Variants in DOP1B observed in about 807,000 individuals in gnomAD.
The protein encoded by DOP1B is protein DOP1B.
Under a neutral mutation model 233.5 loss-of-function variants are expected in DOP1B, and 174 were observed. The ratio of observed to expected loss-of-function variants is 0.75; its 90% CI spans 0.66 to 0.85. The LOEUF is 0.85. Ranked by LOEUF, DOP1B falls within the 40% of genes least tolerant of loss-of-function variation. The probability of loss-of-function intolerance (pLI) is 0.00; values close to 1 mark genes in which losing one functional copy is unlikely to be tolerated. For missense variants in DOP1B, 2,652 were observed against 2,846.6 expected (o/e 0.93, Z 1.56); for synonymous variants, 1,190 against 1,185.6 (o/e 1.00, Z -0.08).
At chr21:36,208,595 TG>T in intron 4 of DOP1B, 119 bp from the exon 5 acceptor site, 1 of 1,056,298 alleles carries the variant, frequency 9.5e-7, no homozygotes, top group African/African-American at 1.6e-5. Context: ...ATGAGGAAGG[TG>T]GGGCTTCCCC....
chr21:36,293,654 G>A lies in DOP1B; in HGVS notation c.*83G>A. On this transcript the variant is annotated 3_prime_UTR_variant, in exon 37 of 37. Coordinates refer to ENST00000691173, the MANE Select transcript of DOP1B (RefSeq NM_001320714.2). ...ATATTCTAAAGAAGAAAGAAGGCAG[G>A]ATAGTGCTTTTGAACAAGCCTATTT... The A allele has an allele frequency of 6.8e-7, 1 of 1,467,092 alleles. No individual in the cohort carries two copies. The highest frequency in any genetic ancestry group is 1.4e-5 in the African/African-American group (1 of 71,222). 90.9% of individuals were successfully genotyped at this position (1,467,092 alleles called of 1,614,324 possible).
intron 23 of DOP1B, among the ~76,000 whole-genome samples, chr21:36,255,452 CT>C (rs539544460): frequency 2.2e-3 from 300 of 136,544 alleles, no homozygotes; most frequent in African/African-American, 4.9e-3. Context: ...TTTTTTAAAA[CT>C]TTTTTTTTTT....
At position 36,251,148 on chromosome 21, in the gene DOP1B, TC is replaced by T. The variant is rs112071403; in HGVS notation, c.4999-11del. 293 of 1,598,334 alleles carry T rather than the reference TC, an allele frequency of 1.8e-4. 3 individuals carry two copies. The highest frequency in any genetic ancestry group is 1.4e-3 in the Admixed American group (80 of 55,742). On this transcript the variant is annotated splice_polypyrimidine_tract_variant and intron_variant, in intron 21 of 36. Transcript: ENST00000691173. Reference sequence around the variant, plus strand: ...ATATTACTCTGCAGTAACTTTTTTTTCCCTATTTTCTAGACCATAAGACAAA... The same window carrying T: ...ATATTACTCTGCAGTAACTTTTTTTTCCTATTTTCTAGACCATAAGACAAA...
At chr21:36,205,450 GC>G (rs2066416252) in intron 4 of DOP1B, among the ~76,000 whole-genome samples, 1 of 151,974 alleles carries the variant, frequency 6.6e-6, no homozygotes, top group South Asian at 2.1e-4. Flanking sequence ...GTGCAGCGGT[GC>G]AATCTTGGCA....
At position 36,278,216 on chromosome 21, in the gene DOP1B, A is replaced by G; in HGVS notation, c.5830A>G (p.Asn1944Asp). ...CTTCCCACTCCCACTCAGTGCCTAC[A>G]ATGCTCCCAGCTTCCGGGCTGGCGC... ...FPYLRNHSAY[N>D]APSFRAGAQL... is the part of the protein sequence containing the mutation. The change falls in exon 30 of 37, where the codon AAT becomes GAT. Residue 1944 changes from asparagine to aspartate, a missense_variant. Around this residue, in one of 3 missense-constraint regions of DOP1B, gnomAD observed 2,617 missense variants for 2,794.3 expected, o/e 0.94. Coordinates refer to ENST00000691173, the MANE Select transcript of DOP1B (RefSeq NM_001320714.2). 4 of 1,614,006 alleles carry G rather than the reference A, an allele frequency of 2.5e-6. No individual in the cohort carries two copies. Among genetic ancestry groups the G allele is most frequent in the Non-Finnish European group, 2.5e-6 (3 of 1,179,976 alleles).
chr21:36,262,613 C>T (rs559415328), intron 24 of DOP1B, among the ~76,000 whole-genome samples: 1 of 152,214 alleles, frequency 6.6e-6, no homozygotes, highest in African/African-American at 2.4e-5. Context: ...ATCAGCCGGG[C>T]ACGGTGGCTC....
intron 2 of DOP1B, chr21:36,169,582 C>T: frequency 9.5e-7 from 1 of 1,051,244 alleles, no homozygotes; most frequent in South Asian, 1.3e-5. Flanking sequence ...GCTGCTGTAG[C>T]CCCTCCTGGG....
intron 11 of DOP1B, 107 bp from the exon 12 acceptor site, chr21:36,225,458 T>A (rs1224458879): frequency 2.4e-6 from 3 of 1,256,972 alleles, no homozygotes; most frequent in South Asian, 2.6e-5. Flanking sequence ...CTCAGACTCC[T>A]GAGCTCAGAC....
At chr21:36,169,578 G>T in intron 2 of DOP1B, 1 of 1,063,404 alleles carries the variant, frequency 9.4e-7, no homozygotes. Context: ...ACCTGCTGCT[G>T]TAGCCCCTCC....
intron 2 of DOP1B, chr21:36,169,979 T>C (rs1312447439): frequency 1.8e-5 from 14 of 762,750 alleles, no homozygotes; most frequent in African/African-American, 6.8e-5. Context: ...TCCTTCACTT[T>C]CACCTTGGAT....
At chr21:36,277,356 C>A (rs916491635) in intron 28 of DOP1B, among the ~76,000 whole-genome samples, 1 of 151,996 alleles carries the variant, frequency 6.6e-6, no homozygotes, top group African/African-American at 2.4e-5. Flanking sequence ...GATCTCAGCT[C>A]ACTGCAACCT....
intron 5 of DOP1B, among the ~76,000 whole-genome samples, chr21:36,211,165 G>A (rs957243857): frequency 6.6e-6 from 1 of 152,186 alleles, no homozygotes; most frequent in African/African-American, 2.4e-5. Flanking sequence ...TGCATCTCTA[G>A]TCTACCTATC....
intron 15 of DOP1B, among the ~76,000 whole-genome samples, chr21:36,233,593 T>G (rs540810075): frequency 6.6e-6 from 1 of 152,360 alleles, no homozygotes; most frequent in South Asian, 2.1e-4. Flanking sequence ...TCAAGTGCCA[T>G]GACTCTTGCT....
At chr21:36,169,068 A>G in intron 2 of DOP1B, 1 of 874,946 alleles carries the variant, frequency 1.1e-6, no homozygotes, top group Non-Finnish European at 1.9e-6. Flanking sequence ...CCAAACTTGG[A>G]GGTGGTGTCA....
At chr21:36,207,043 C>T (rs572731235) in intron 4 of DOP1B, among the ~76,000 whole-genome samples, 10 of 152,106 alleles carry the variant, frequency 6.6e-5, no homozygotes, top group Non-Finnish European at 1.0e-4. Context: ...AGGGGTTTTT[C>T]GAGTGCCAAC....
chr21:36,208,728 C>T lies in DOP1B; in HGVS notation c.505C>T (p.Leu169Phe), dbSNP rs1243694433. Reference sequence around the variant, plus strand: ...TCTCATCAACAGAACGGATGCTCTGCTCCTGAGACTGTCGCTGGTGGTTGG... The same window carrying T: ...TCTCATCAACAGAACGGATGCTCTGTTCCTGAGACTGTCGCTGGTGGTTGG... The part of the protein sequence containing the change: ...SEISDRTDAL[L>F]LRLSLVVGKE... Residue 169 changes from leucine to phenylalanine, a missense_variant, in exon 5 of 37, where the codon CTC becomes TTC. This residue lies in a region of DOP1B where 2,617 missense variants were observed against 2,794.3 expected (regional missense o/e 0.94). Transcript: ENST00000691173. 9 of 1,613,346 alleles carry T rather than the reference C, an allele frequency of 5.6e-6. No homozygotes were observed. Among genetic ancestry groups the T allele is most frequent in the African/African-American group, 4.0e-5 (3 of 74,880 alleles).
At chr21:36,270,257 A>G in intron 27 of DOP1B, 100 bp downstream of exon 27, 1 of 1,398,284 alleles carries the variant, frequency 7.2e-7, no homozygotes, top group South Asian at 1.4e-5. Context: ...AAAAGAAAGA[A>G]AGTACTTAAG....
At position 36,200,371 on chromosome 21, in the gene DOP1B, G is replaced by T. The variant is rs746027069; in HGVS notation, c.361G>T (p.Val121Leu). Residue 121 changes from valine to leucine, a missense_variant, in exon 4 of 37, where the codon GTG (valine) becomes TTG (leucine). Physicochemically the swap from Val to Leu is conservative, Grantham distance 32. Coordinates refer to ENST00000691173, the MANE Select transcript of DOP1B (RefSeq NM_001320714.2). Reference sequence around the variant, plus strand: ...TCTCCTGGCACACGCGGCGGTGTCGGTGAGGCCGGTGCTGCTCACCCTGTA... The same window carrying T: ...TCTCCTGGCACACGCGGCGGTGTCGTTGAGGCCGGTGCTGCTCACCCTGTA... ...FPLLAHAAVS[V>L]RPVLLTLYEK... 24 of 1,610,772 alleles carry T rather than the reference G, an allele frequency of 1.5e-5. No homozygotes were observed. The South Asian group carries it at 2.6e-4, about 18-fold the overall frequency.
Position 36,164,838 on chromosome 21 carries a change from G to A in DOP1B, c.105G>A (p.Ala35=), listed in dbSNP as rs201179044. Residue 35 remains alanine, a synonymous_variant, in exon 2 of 37, where the codon GCG becomes GCA. Coordinates refer to ENST00000691173, the MANE Select transcript of DOP1B (RefSeq NM_001320714.2). ...LRNFESSSEW[A]DLISSLGKLN... Reference sequence around the variant, plus strand: ...ATTTTGAGTCCTCGAGTGAATGGGCGGATCTCATATCTTCACTTGGCAAAC... The same window carrying A: ...ATTTTGAGTCCTCGAGTGAATGGGCAGATCTCATATCTTCACTTGGCAAAC... 23 of 1,611,376 alleles carry A rather than the reference G, an allele frequency of 1.4e-5. No homozygotes were observed. Among genetic ancestry groups the A allele is most frequent in the East Asian group, 2.2e-5 (1 of 44,704 alleles).
Sources: allele counts gnomAD v4.1 joint callset (sites outside exome capture counted in the v4.1 genomes callset), GRCh38; gene constraint gnomAD v4.1.1; regional missense constraint gnomAD v4.1.1; transcripts MANE v1.5; gene names NCBI Gene and HGNC (gene_info 2026-07-23, HGNC 2026-07-21).